The following SCNN1G variants were observed in gnomAD, a reference collection of about 807,000 sequenced individuals.
SCNN1G encodes epithelial sodium channel subunit gamma.
Under a neutral mutation model 64.6 loss-of-function variants are expected in SCNN1G, and 27 were observed. The observed-to-expected ratio is 0.42, with a 90% confidence interval of 0.31 to 0.58. The LOEUF (loss-of-function observed/expected upper bound fraction) is 0.58. Among genes scored for constraint, SCNN1G ranks in the 20% least tolerant of loss-of-function variants. The pLI is 0.18. For synonymous variants in SCNN1G, 330 were observed against 314.2 expected (o/e 1.05, Z -0.53); for missense variants, 743 against 823.4 (o/e 0.90, Z 1.19).
chr16:23,201,762 A>C (rs1243646896), intron 6 of SCNN1G, among the ~76,000 whole-genome samples: 1 of 152,232 alleles, frequency 6.6e-6, no homozygotes, highest in Non-Finnish European at 1.5e-5. Context: ...AGGTGAACCC[A>C]ACAGAGCTCC....
At chr16:23,182,996 G>A (rs1453193901) in intron 1 of SCNN1G, among the ~76,000 whole-genome samples, 183 bp downstream of exon 1, 1 of 152,204 alleles carries the variant, frequency 6.6e-6, no homozygotes, top group African/African-American at 2.4e-5. Flanking sequence ...CAGCTCTCCC[G>A]GGTCTACCCA....
intron 6 of SCNN1G, among the ~76,000 whole-genome samples, chr16:23,209,382 C>T (rs1960042672): frequency 1.3e-5 from 2 of 152,148 alleles, no homozygotes; most frequent in Admixed American, 6.6e-5. Flanking sequence ...TCCCTAATCA[C>T]TCTATGGGAA....
intron 6 of SCNN1G, among the ~76,000 whole-genome samples, chr16:23,208,079 T>G (rs1960019205): frequency 6.6e-6 from 1 of 152,240 alleles, no homozygotes; most frequent in Admixed American, 6.5e-5. Flanking sequence ...GTTGCTGACC[T>G]TAGAAGATGT....
rs775779421 is a variant in SCNN1G at position 23,197,382 on chromosome 16, A to G, written c.1032A>G (p.Gly344=). 3.1e-6 allele frequency: 5 copies of G among 1,614,160 alleles called. No homozygotes were observed. In the South Asian group the frequency reaches 5.5e-5, roughly 18 times the overall value. The change falls in exon 6 of 13, where the codon GGA becomes GGG. Residue 344 remains glycine, a synonymous_variant. Transcript: ENST00000300061. ...QDEYPFVEDV[G]TEIETAMVTS... ...AGTATCCCTTCGTCGAAGATGTGGG[A>G]ACAGAGATTGAGACAGCAATGGTCA...
chr16:23,184,489 A>C (rs1038592245), intron 1 of SCNN1G, among the ~76,000 whole-genome samples: 2 of 151,946 alleles, frequency 1.3e-5, no homozygotes, highest in Admixed American at 1.3e-4. Context: ...CAATATTTTA[A>C]GTGATAAAAA....
At chr16:23,186,194 C>A in intron 1 of SCNN1G, 34 bp from the exon 2 acceptor site, 2 of 1,436,718 alleles carry the variant, frequency 1.4e-6, no homozygotes, top group Non-Finnish European at 2.0e-6. Flanking sequence ...CTAGTGCCTG[C>A]CAGCTCACCT....
intron 3 of SCNN1G, among the ~76,000 whole-genome samples, chr16:23,190,089 G>C (rs1033129368): frequency 6.6e-6 from 1 of 151,824 alleles, no homozygotes; most frequent in Non-Finnish European, 1.5e-5. Flanking sequence ...GGGAGAGTTG[G>C]GGGGCAAACG....
Position 23,215,744 on chromosome 16 carries a change from C to T in SCNN1G, c.*275C>T. ...CGTCACTAGAGACTGGGAGCCGAGGCAGTGGTGCTGGCCCAAGTGAAGGCC... is the reference window on the plus strand; with the variant it reads ...CGTCACTAGAGACTGGGAGCCGAGGTAGTGGTGCTGGCCCAAGTGAAGGCC... On this transcript the variant is annotated 3_prime_UTR_variant, in exon 13 of 13. Transcript: ENST00000300061. The T allele has an allele frequency of 5.7e-6, 3 of 525,914 alleles. No individual in the cohort carries two copies. The highest frequency in any genetic ancestry group is 1.0e-5 in the Non-Finnish European group (3 of 290,186). 32.6% of individuals were successfully genotyped at this position (525,914 alleles called of 1,614,324 possible). A position where few individuals can be genotyped will look rare whatever the true frequency, so the allele number is the denominator to read the frequency against.
chr16:23,215,049 G>A, intron 12 of SCNN1G, 40 bp from the exon 13 acceptor site: 2 of 1,613,342 alleles, frequency 1.2e-6, no homozygotes, highest in Non-Finnish European at 1.7e-6. Flanking sequence ...CAACTTGGGG[G>A]GAGGTTCCTC....
intron 6 of SCNN1G, among the ~76,000 whole-genome samples, chr16:23,204,846 G>A (rs114423596): frequency 6.6e-5 from 10 of 151,972 alleles, no homozygotes; most frequent in African/African-American, 2.4e-4. Context: ...AGTGGCTCAC[G>A]CCTATAATCC....
rs534884148 is a variant in SCNN1G at position 23,187,109 on chromosome 16, T to TC, written c.317+521_317+522insC. On this transcript the variant is annotated intron_variant, in intron 2 of 12. Transcript: ENST00000300061. ...GAGCCACAGTACCTGGCCTTTTCTT[T>TC]TTTTTTTTTTTTTTTTGGAGGCAGG... 5.8e-3 allele frequency among the ~76,000 whole-genome samples: 857 copies of TC among 146,622 alleles called. 5 individuals carry two copies. The highest frequency in any genetic ancestry group is 0.026 in the South Asian group (120 of 4,634).
intron 1 of SCNN1G, among the ~76,000 whole-genome samples, chr16:23,183,605 C>T (rs1222833105): frequency 6.6e-6 from 1 of 152,174 alleles, no homozygotes; most frequent in Admixed American, 6.5e-5. Context: ...TCCTTCAAAT[C>T]CTTTCTACCT....
chr16:23,200,508 A>C (rs2141936752), intron 6 of SCNN1G, among the ~76,000 whole-genome samples: 1 of 152,338 alleles, frequency 6.6e-6, no homozygotes, highest in East Asian at 1.9e-4. Flanking sequence ...GATGGTGGGC[A>C]ATTAGGGCTT....
chr16:23,215,044 T>G (rs1567270048), intron 12 of SCNN1G, 45 bp from the exon 13 acceptor site: 4 of 1,612,844 alleles, frequency 2.5e-6, no homozygotes, highest in Non-Finnish European at 3.4e-6. Context: ...GAGGCCAACT[T>G]GGGGGGAGGT....
intron 3 of SCNN1G, among the ~76,000 whole-genome samples, chr16:23,192,031 C>T (rs183084129): frequency 2.3e-4 from 35 of 152,222 alleles, no homozygotes; most frequent in African/African-American, 7.7e-4. Flanking sequence ...TTGTTAGGAA[C>T]GTAGTAGCAT....
intron 11 of SCNN1G, among the ~76,000 whole-genome samples, chr16:23,214,248 G>T (rs962894284): frequency 1.3e-5 from 2 of 152,220 alleles, no homozygotes; most frequent in African/African-American, 4.8e-5. Flanking sequence ...TCATAGGGCT[G>T]TTGGTAGAAT....
chr16:23,194,038 A>G, intron 4 of SCNN1G, 133 bp from the exon 5 acceptor site: 1 of 722,214 alleles, frequency 1.4e-6, no homozygotes, highest in Non-Finnish European at 2.6e-6. Context: ...GATCAGGAGC[A>G]AGATGGGGAA....
intron 9 of SCNN1G, 28 bp downstream of exon 9, chr16:23,212,784 G>C: frequency 6.2e-7 from 1 of 1,613,744 alleles, no homozygotes; most frequent in Non-Finnish European, 8.5e-7. Context: ...GGTGAGACGG[G>C]TGGCTGGGTT....
chr16:23,213,251 T>G, intron 11 of SCNN1G, 88 bp downstream of exon 11: 5 of 664,504 alleles, frequency 7.5e-6, no homozygotes, highest in Non-Finnish European at 1.3e-5. Flanking sequence ...GGCCAAATCC[T>G]CTTTTTTTTT....
Sources: gnomAD v4.1 joint callset for allele counts (sites outside exome capture counted in the v4.1 genomes callset) on GRCh38, gnomAD v4.1.1 for gene constraint, MANE v1.5 for transcripts, NCBI Gene and HGNC (gene_info 2026-07-23, HGNC 2026-07-21) for gene names.